N4BP2L1: variants seen among roughly 807,000 people sequenced by gnomAD.
N4BP2L1 encodes the protein NEDD4-binding protein 2-like 1.
N4BP2L1 carries 12 observed loss-of-function variants against 21.2 expected under a neutral mutation model. The observed-to-expected ratio is 0.57, with a 90% CI of 0.36 to 0.92. The LOEUF (loss-of-function observed/expected upper bound fraction) is 0.92. Ranked by LOEUF, N4BP2L1 falls within the 40% of genes least tolerant of loss-of-function variation. The pLI is 0.01. For missense variants in N4BP2L1, 259 were observed against 310.6 expected (o/e 0.83, Z 1.25); for synonymous variants, 104 against 112.8 (o/e 0.92, Z 0.49).
At position 32,402,845 on chromosome 13, in the gene N4BP2L1, A is replaced by G; in HGVS notation, c.*97T>C. ...GAAACTTTTGAGTTCAGCTATTTAC[A>G]CTGGAATTGGAGCTCTGACTAAAAT... On this transcript the variant is annotated 3_prime_UTR_variant, in exon 5 of 5. Transcript: ENST00000380130. 1 of 1,487,552 alleles carries G rather than the reference A, an allele frequency of 6.7e-7. No individual in the cohort carries two copies. Among genetic ancestry groups the G allele is most frequent in the Non-Finnish European group, 8.9e-7 (1 of 1,118,492 alleles). 92.1% of individuals were successfully genotyped at this position (1,487,552 alleles called of 1,614,324 possible). A position where few individuals can be genotyped will look rare whatever the true frequency, so the allele number is the denominator to read the frequency against.
intron 3 of N4BP2L1, among the ~76,000 whole-genome samples, chr13:32,405,892 C>CTTT (rs754694153): frequency 4.0e-4 from 41 of 101,254 alleles, no homozygotes; most frequent in Non-Finnish European, 5.3e-4. Flanking sequence ...TTCCTGCCCC[C>CTTT]TTTTTTTTTT....
At chr13:32,415,345 T>C (rs903591264) in intron 1 of N4BP2L1, among the ~76,000 whole-genome samples, 3 of 152,216 alleles carry the variant, frequency 2.0e-5, no homozygotes, top group Non-Finnish European at 2.9e-5. Flanking sequence ...AAAGGGTAGT[T>C]AACTAACAGC....
At chr13:32,420,210 G>A (rs1011921907) in intron 1 of N4BP2L1, among the ~76,000 whole-genome samples, 2 of 152,182 alleles carry the variant, frequency 1.3e-5, no homozygotes, top group East Asian at 3.8e-4. Context: ...CCTCATTCTC[G>A]TTTGTCAGTG....
Position 32,401,025 on chromosome 13 carries a change from A to AAGTT in N4BP2L1, c.*1913_*1916dup, listed in dbSNP as rs1954072112. On this transcript the variant is annotated 3_prime_UTR_variant, in exon 5 of 5. Coordinates refer to ENST00000380130, the MANE Select transcript of N4BP2L1 (RefSeq NM_052818.3). Reference sequence around the variant, plus strand: ...GAAACTATTCTTTAGAGCTCTAGAAAAGTTATGTAACCCAGAGCCACTTCT... The same window carrying AAGTT: ...GAAACTATTCTTTAGAGCTCTAGAAAAGTTAGTTATGTAACCCAGAGCCACTTCT... 1 of 152,212 alleles carries AAGTT rather than the reference A, an allele frequency of 6.6e-6. No individual in the cohort carries two copies. Among genetic ancestry groups the AAGTT allele is most frequent in the Non-Finnish European group, 1.5e-5 (1 of 68,042 alleles). 9.4% of individuals were successfully genotyped at this position (152,212 alleles called of 1,614,324 possible). A position where few individuals can be genotyped will look rare whatever the true frequency, so the allele number is the denominator to read the frequency against.
chr13:32,401,846 G>T lies in N4BP2L1; in HGVS notation c.*1096C>A. 1.3e-6 allele frequency: 1 copy of T among 792,074 alleles called. No homozygotes were observed. Among genetic ancestry groups the T allele is most frequent in the Non-Finnish European group, 1.5e-6 (1 of 652,926 alleles). 49.1% of individuals were successfully genotyped at this position (792,074 alleles called of 1,614,324 possible). On this transcript the variant is annotated 3_prime_UTR_variant, in exon 5 of 5. Transcript: ENST00000380130. Reference sequence around the variant, plus strand: ...AAGCTGTTGGCCAACAAGAAATAGAGCATACGTCCTCTGTGGTCTTGTCTA... The same window carrying T: ...AAGCTGTTGGCCAACAAGAAATAGATCATACGTCCTCTGTGGTCTTGTCTA...
chr13:32,425,862 A>G (rs1214063417), intron 1 of N4BP2L1: 1 of 152,158 alleles, frequency 6.6e-6, no homozygotes, highest in Non-Finnish European at 1.5e-5. Context: ...CGGAAAAACT[A>G]GATGACTGAC....
chr13:32,421,351 CCT>C (rs968003593), intron 1 of N4BP2L1, among the ~76,000 whole-genome samples: 12 of 152,078 alleles, frequency 7.9e-5, no homozygotes, highest in Non-Finnish European at 1.5e-4. Context: ...CCTTTCAGGC[CCT>C]CTTTCTTCTT....
chr13:32,417,550 CT>C (rs1255309147), intron 1 of N4BP2L1, among the ~76,000 whole-genome samples: 9 of 152,088 alleles, frequency 5.9e-5, no homozygotes, highest in Admixed American at 5.9e-4. Context: ...TCGGGTATGT[CT>C]TTATTAGCAG....
At chr13:32,419,093 G>C (rs1041889391) in intron 1 of N4BP2L1, among the ~76,000 whole-genome samples, 2 of 152,138 alleles carry the variant, frequency 1.3e-5, no homozygotes, top group African/African-American at 4.8e-5. Flanking sequence ...GGAGGAGCCA[G>C]GGGCAGTCCC....
intron 1 of N4BP2L1, among the ~76,000 whole-genome samples, chr13:32,419,655 T>C (rs1343530969): frequency 2.6e-5 from 4 of 152,064 alleles, no homozygotes; most frequent in African/African-American, 9.7e-5. Flanking sequence ...CATGTTTGCT[T>C]CCCCTTCCAC....
chr13:32,404,098 C>A, intron 4 of N4BP2L1: 2 of 1,519,624 alleles, frequency 1.3e-6, no homozygotes, highest in Non-Finnish European at 1.8e-6. Flanking sequence ...TTTTAAAGGA[C>A]CAAGTCCAAG....
intron 1 of N4BP2L1, among the ~76,000 whole-genome samples, chr13:32,413,052 A>ATT (rs2073947370): frequency 2.0e-5 from 3 of 151,694 alleles, no homozygotes; most frequent in African/African-American, 4.8e-5. Context: ...GCCTCCCAAG[A>ATT]AGCTGGGATT....
At chr13:32,407,116 T>C in intron 3 of N4BP2L1, 134 bp downstream of exon 3, 2 of 873,378 alleles carry the variant, frequency 2.3e-6, no homozygotes, top group Non-Finnish European at 3.6e-6. Flanking sequence ...TAAAACCTCG[T>C]TACCTTCTCC....
chr13:32,417,764 A>G (rs1267801547), intron 1 of N4BP2L1, among the ~76,000 whole-genome samples: 2 of 152,214 alleles, frequency 1.3e-5, no homozygotes, highest in Non-Finnish European at 2.9e-5. Context: ...TGGACGATGA[A>G]GTCCAGGCTG....
intron 1 of N4BP2L1, among the ~76,000 whole-genome samples, chr13:32,421,060 C>T (rs1397687782): frequency 6.6e-6 from 1 of 152,196 alleles, no homozygotes; most frequent in African/African-American, 2.4e-5. Context: ...TACTCAAGAG[C>T]CATGCTGACA....
In N4BP2L1 at chr13:32,402,249, A is replaced by C. The variant is rs185349721; in HGVS notation, c.*693T>G. On this transcript the variant is annotated 3_prime_UTR_variant, in exon 5 of 5. Transcript: ENST00000380130. The stretch of plus-strand genomic sequence containing the variant: ...TAATCCTGCTGAATAAAGTAGTAAA[A>C]ACACAAGGCGTGACTTTAAATAATG... 1 of 856,324 alleles carries C rather than the reference A, an allele frequency of 1.2e-6. No homozygotes were observed. Among genetic ancestry groups the C allele is most frequent in the East Asian group, 1.2e-4 (1 of 8,176 alleles). The allele number at this position is 856,324 out of a possible 1,614,324, so 53.0% of individuals were successfully genotyped here.
chr13:32,407,549 C>T (rs763794757), intron 2 of N4BP2L1, 96 bp downstream of exon 2: 42 of 1,601,222 alleles, frequency 2.6e-5, no homozygotes, highest in South Asian at 1.3e-4. Context: ...GCAGAACTTT[C>T]GGTTAAACTC....
intron 1 of N4BP2L1, 82 bp from the exon 2 acceptor site, chr13:32,407,854 C>T: frequency 6.9e-7 from 1 of 1,442,238 alleles, no homozygotes; most frequent in Non-Finnish European, 9.3e-7. Flanking sequence ...CCATCTCTAA[C>T]ATTTAGCAGT....
At chr13:32,419,108 C>G (rs2074308602) in intron 1 of N4BP2L1, among the ~76,000 whole-genome samples, 1 of 152,040 alleles carries the variant, frequency 6.6e-6, no homozygotes, top group Admixed American at 6.6e-5. Context: ...AGTCCCCACC[C>G]AAATCTCATC....
Sources: allele counts gnomAD v4.1 joint callset (sites outside exome capture counted in the v4.1 genomes callset), GRCh38; gene constraint gnomAD v4.1.1; transcripts MANE v1.5; gene names NCBI Gene and HGNC (gene_info 2026-07-23, HGNC 2026-07-21).